The following SBF2 variants were observed in gnomAD, a reference collection of about 807,000 sequenced individuals.
SBF2 encodes the protein SET binding factor 2, also known as myotubularin-related protein 13.
Under a neutral mutation model 225.2 loss-of-function variants are expected in SBF2, and 112 were observed. That is an observed-to-expected ratio of 0.50 (90% CI 0.43 to 0.58). The LOEUF (loss-of-function observed/expected upper bound fraction) is 0.58, where lower values mean the gene tolerates loss of function less well. Ranked by LOEUF, SBF2 falls within the 20% of genes least tolerant of loss-of-function variation. The pLI is 0.00. For missense variants in SBF2, 1,996 were observed against 2,206.2 expected (o/e 0.90, Z 1.91); for synonymous variants, 763 against 773.3 (o/e 0.99, Z 0.22).
chr11:9,984,230 G>A (rs533630887), intron 13 of SBF2, among the ~76,000 whole-genome samples: 263 of 152,054 alleles, frequency 1.7e-3, no homozygotes, highest in Non-Finnish European at 2.8e-3. Flanking sequence ...AGCTTAAAGA[G>A]AAAACAATAA....
chr11:10,279,892 G>A (rs1186894018), intron 1 of SBF2, among the ~76,000 whole-genome samples: 2 of 151,770 alleles, frequency 1.3e-5, no homozygotes, highest in Non-Finnish European at 1.5e-5. Flanking sequence ...CTCATGATCC[G>A]CCCACCTCGG....
chr11:9,984,724 C>G (rs1947121026), intron 13 of SBF2, among the ~76,000 whole-genome samples: 1 of 152,156 alleles, frequency 6.6e-6, no homozygotes, highest in Admixed American at 6.5e-5. Context: ...AGATTAACAG[C>G]AGATTTCTCA....
At chr11:9,820,919 G>C (rs1168810820) in intron 28 of SBF2, among the ~76,000 whole-genome samples, 3 of 152,170 alleles carry the variant, frequency 2.0e-5, no homozygotes, top group Non-Finnish European at 4.4e-5. Flanking sequence ...CTTATCCACA[G>C]GTAGCTACTG....
At chr11:10,239,520 C>T (rs921800945) in intron 1 of SBF2, among the ~76,000 whole-genome samples, 2 of 149,470 alleles carry the variant, frequency 1.3e-5, no homozygotes, top group Admixed American at 1.3e-4. Context: ...AAGTGAACCA[C>T]AATATAATGG....
intron 16 of SBF2, among the ~76,000 whole-genome samples, chr11:9,928,447 A>C (rs892655717): frequency 1.3e-5 from 2 of 152,240 alleles, no homozygotes; most frequent in Non-Finnish European, 2.9e-5. Context: ...GACTGACTAC[A>C]GGAAGTGTTG....
At chr11:9,988,348 G>C (rs1298099549) in intron 13 of SBF2, among the ~76,000 whole-genome samples, 1 of 152,096 alleles carries the variant, frequency 6.6e-6, no homozygotes, top group African/African-American at 2.4e-5. Context: ...CATTGGCTTA[G>C]GCAAGGATTT....
chr11:10,147,737 T>C (rs971431089), intron 2 of SBF2, among the ~76,000 whole-genome samples: 2 of 152,150 alleles, frequency 1.3e-5, no homozygotes, highest in Non-Finnish European at 2.9e-5. Context: ...AAAATATATA[T>C]ATTTATTCCA....
At chr11:10,127,139 A>C (rs1043926735) in intron 2 of SBF2, among the ~76,000 whole-genome samples, 1 of 152,138 alleles carries the variant, frequency 6.6e-6, no homozygotes, top group Non-Finnish European at 1.5e-5. Flanking sequence ...AACAATGTGA[A>C]TGTACTTAAT....
intron 6 of SBF2, among the ~76,000 whole-genome samples, chr11:10,009,570 C>A (rs1948352981): frequency 6.6e-6 from 1 of 152,172 alleles, no homozygotes; most frequent in South Asian, 2.1e-4. Context: ...TCATCCATGT[C>A]TCTGCAAAGG....
intron 17 of SBF2, among the ~76,000 whole-genome samples, chr11:9,892,180 G>A (rs770707376): frequency 3.3e-5 from 5 of 151,992 alleles, no homozygotes; most frequent in Non-Finnish European, 4.4e-5. Context: ...GTGCAGTGGC[G>A]TGATCTCGGC....
upstream of SBF2, among the ~76,000 whole-genome samples, chr11:10,298,359 C>A (rs923631338): frequency 6.6e-6 from 1 of 152,094 alleles, no homozygotes; most frequent in Non-Finnish European, 1.5e-5. Context: ...CCATTGCACT[C>A]CAGCCTGGGC....
At chr11:9,827,985 C>T (rs1221797404) in intron 28 of SBF2, 1 of 400,424 alleles carries the variant, frequency 2.5e-6, no homozygotes, top group Non-Finnish European at 4.4e-6. Flanking sequence ...GCTAGTAATA[C>T]ATTTGACCAT....
upstream of SBF2, among the ~76,000 whole-genome samples, chr11:10,297,036 A>G (rs1233549902): frequency 6.6e-6 from 1 of 152,036 alleles, no homozygotes; most frequent in Non-Finnish European, 1.5e-5. Flanking sequence ...TCCTTTGCCC[A>G]TTTTTTAATT....
chr11:9,996,584 T>C (rs373678516), intron 9 of SBF2, among the ~76,000 whole-genome samples: 24 of 151,932 alleles, frequency 1.6e-4, no homozygotes, highest in Admixed American at 9.8e-4. Context: ...GAGATGGGGG[T>C]TTCACCATGT....
intron 2 of SBF2, among the ~76,000 whole-genome samples, chr11:10,058,143 A>C (rs574066924): frequency 6.6e-6 from 1 of 152,360 alleles, no homozygotes; most frequent in Admixed American, 6.5e-5. Context: ...CCAGTTCTCC[A>C]ACAAGAGTTC....
At position 10,029,759 on chromosome 11, in the gene SBF2, A is replaced by G. The variant is rs751582236; in HGVS notation, c.513+6T>C. The G allele has an allele frequency of 2.5e-6, 4 of 1,574,440 alleles. No homozygotes were observed. In the South Asian group the frequency reaches 3.3e-5, roughly 13 times the overall value. On this transcript the variant is annotated splice_donor_region_variant and intron_variant, in intron 5 of 39. Coordinates refer to ENST00000256190, the MANE Select transcript of SBF2 (RefSeq NM_030962.4). ...CCTTCTCCACCTCTCTTTCTATTCT[A>G]TTTACCTGAGACCCTCCAGCCGCTG...
At chr11:10,090,086 C>T (rs1346600044) in intron 2 of SBF2, among the ~76,000 whole-genome samples, 2 of 152,128 alleles carry the variant, frequency 1.3e-5, no homozygotes, top group South Asian at 2.1e-4. Context: ...AGACACAAAA[C>T]AATACATATT....
intron 1 of SBF2, among the ~76,000 whole-genome samples, chr11:10,229,601 G>A (rs1208682884): frequency 2.0e-5 from 3 of 152,104 alleles, no homozygotes; most frequent in African/African-American, 4.8e-5. Flanking sequence ...AGGTTGTTCA[G>A]TTTCCATGTA....
rs140023382 is a variant in SBF2, at chr11:10,094,141, A to C, written c.142-51160T>G. Among the ~76,000 whole-genome samples, 695 of 151,956 alleles carry C rather than the reference A, an allele frequency of 4.6e-3. 3 individuals are homozygous for C. The highest frequency in any genetic ancestry group is 0.016 in the African/African-American group (660 of 41,438). On this transcript the variant is annotated intron_variant, in intron 2 of 39. Coordinates refer to ENST00000256190, the MANE Select transcript of SBF2 (RefSeq NM_030962.4). ...AGGTCAGGAGTTTGAGACCAGCCTG[A>C]CCAACATGGTGAAACTCTGTCTCTA...
Sources: gnomAD v4.1 joint callset for allele counts (sites outside exome capture counted in the v4.1 genomes callset) on GRCh38, gnomAD v4.1.1 for gene constraint, MANE v1.5 for transcripts, NCBI Gene and HGNC (gene_info 2026-07-23, HGNC 2026-07-21) for gene names.